PROZ: variants seen among roughly 807,000 people sequenced by gnomAD.
PROZ encodes the protein vitamin K-dependent protein Z.
A neutral mutation model predicts 34.9 loss-of-function variants in PROZ; 46 were observed. The ratio of observed to expected loss-of-function variants is 1.32; its 90% confidence interval spans 1.04 to 1.69. The LOEUF (loss-of-function observed/expected upper bound fraction) is 1.69. Among genes scored for constraint, PROZ ranks in the 40% most tolerant of loss-of-function variants. The probability of loss-of-function intolerance (pLI) is 0.00; values close to 1 mark genes in which losing one functional copy is unlikely to be tolerated. For synonymous variants in PROZ, 195 were observed against 208.5 expected (o/e 0.94, Z 0.56); for missense variants, 530 against 520.4 (o/e 1.02, Z -0.18).
chr13:113,166,745 A>C (rs1447621779), intron 6 of PROZ, among the ~76,000 whole-genome samples: 1 of 152,130 alleles, frequency 6.6e-6, no homozygotes, highest in African/African-American at 2.4e-5. Flanking sequence ...TGTCTGCCCC[A>C]TGAGTGCGCT....
At position 113,171,387 on chromosome 13, in the gene PROZ, G is replaced by C. The variant is rs1566932520; in HGVS notation, c.692-207G>C. 6.6e-6 allele frequency among the ~76,000 whole-genome samples: 1 copy of C among 152,120 alleles called. No homozygotes were observed. Among genetic ancestry groups the C allele is most frequent in the East Asian group, 1.9e-4 (1 of 5,180 alleles). On this transcript the variant is annotated intron_variant, in intron 7 of 7. Transcript: ENST00000375547. This position sits in a 1 kb window ranked among gnomAD's most constrained non-coding sequence, Gnocchi z 5.1. The stretch of plus-strand genomic sequence containing the variant: ...GAACTAACCTTGACTGTTTTTAAAG[G>C]CTGTGGCACTTGGTTGCAATCGTGC...
intron 7 of PROZ, among the ~76,000 whole-genome samples, chr13:113,170,954 A>T (rs2037093548): frequency 6.7e-6 from 1 of 150,114 alleles, no homozygotes; most frequent in Non-Finnish European, 1.5e-5. Context: ...ACAGAGTCTC[A>T]CTCAATCCCT....
In PROZ at chr13:113,159,477, G is replaced by A. The variant is rs1420448144; in HGVS notation, c.71-537G>A. Among the ~76,000 whole-genome samples the A allele has an allele frequency of 6.6e-6, 1 of 152,144 alleles. No homozygotes were observed. Among genetic ancestry groups the A allele is most frequent in the African/African-American group, 2.4e-5 (1 of 41,442 alleles). On this transcript the variant is annotated intron_variant, in intron 1 of 7. Transcript: ENST00000375547. This position sits in a 1 kb window ranked among gnomAD's most constrained non-coding sequence, Gnocchi z 4.6. ...GCTTTGACCCTCCCGGAGAGGGAGA[G>A]AACATGCTTTGGGACCCTCAGGTGG...
intron 7 of PROZ, among the ~76,000 whole-genome samples, chr13:113,170,761 A>G (rs1239960059): frequency 6.6e-6 from 1 of 152,094 alleles, no homozygotes. Context: ...GGAGGAAATC[A>G]CAGCCTACAT....
At chr13:113,165,222 C>G (rs1370933981) in intron 6 of PROZ, 102 bp downstream of exon 6, 1 of 1,269,112 alleles carries the variant, frequency 7.9e-7, no homozygotes, top group Non-Finnish European at 1.1e-6. Context: ...ATCAGGCATC[C>G]TGACTTTGAT....
At position 113,158,857 on chromosome 13, in the gene PROZ, T is replaced by G; in HGVS notation, c.70+127T>G. 2 of 921,438 alleles carry G rather than the reference T, an allele frequency of 2.2e-6. No individual in the cohort carries two copies. The highest frequency in any genetic ancestry group is 1.7e-6 in the Non-Finnish European group (1 of 583,418). 57.1% of individuals were successfully genotyped at this position (921,438 alleles called of 1,614,324 possible). A position where few individuals can be genotyped will look rare whatever the true frequency, so the allele number is the denominator to read the frequency against. On this transcript the variant is annotated intron_variant, in intron 1 of 7. Transcript: ENST00000375547. The surrounding 1 kb of genome is among the most constrained non-coding windows in gnomAD (Gnocchi z 4.3). ...CCCTGAGTGCCCAGACTAGTCTTAA[T>G]TCCCCTGAAAAAGCTGTTTGGATCT...
chr13:113,171,280 TTGAC>T lies in PROZ; in HGVS notation c.692-311_692-308del, dbSNP rs956611709. Reference sequence around the variant, plus strand: ...AAAACCACTTCTCAACAGCCAATGTTTGACTGGCCTGGAGACGTTCCACATCACT... The same window carrying T: ...AAAACCACTTCTCAACAGCCAATGTTTGGCCTGGAGACGTTCCACATCACT... On this transcript the variant is annotated intron_variant, in intron 7 of 7. Transcript: ENST00000375547. The surrounding 1 kb of genome is among the most constrained non-coding windows in gnomAD (Gnocchi z 5.1). Among the ~76,000 whole-genome samples, 3 of 152,246 alleles carry T rather than the reference TTGAC, an allele frequency of 2.0e-5. No individual in the cohort carries two copies. Among genetic ancestry groups the T allele is most frequent in the South Asian group, 2.1e-4 (1 of 4,836 alleles).
intron 6 of PROZ, among the ~76,000 whole-genome samples, chr13:113,168,182 A>G (rs2037001255): frequency 6.6e-6 from 1 of 152,284 alleles, no homozygotes; most frequent in Non-Finnish European, 1.5e-5. Flanking sequence ...AGTTTAAAGA[A>G]TAAGGAAAAA....
intron 7 of PROZ, 51 bp downstream of exon 7, chr13:113,170,581 C>G (rs1290948722): frequency 9.2e-7 from 1 of 1,087,168 alleles, no homozygotes; most frequent in Non-Finnish European, 1.4e-6. Context: ...AATACACTAT[C>G]CTATGTAAGA....
In PROZ at chr13:113,158,705, C is replaced by T. The variant is rs769685611; in HGVS notation, c.45C>T (p.Leu15=). ...TGCTCCAGGGCCTGGTCCTGGTCCTCGCCCTCCATCGTGTGGAGCCCTCAG... is the reference window on the plus strand; with the variant it reads ...TGCTCCAGGGCCTGGTCCTGGTCCTTGCCCTCCATCGTGTGGAGCCCTCAG... The part of the protein sequence containing the change: ...VPLLQGLVLV[L]ALHRVEPSVF... The change falls in exon 1 of 8, where the codon CTC becomes CTT. Residue 15 remains leucine (L), a synonymous_variant. Transcript: ENST00000375547. This position sits in a 1 kb window ranked among gnomAD's most constrained non-coding sequence, Gnocchi z 4.3. 1.1e-5 allele frequency: 17 copies of T among 1,606,032 alleles called. 1 individual carries two copies. In the Middle Eastern group the frequency reaches 5.0e-4, roughly 47 times the overall value.
rs756912275 is a variant in PROZ, at chr13:113,171,916, G to A, written c.1014G>A (p.Arg338=). The change falls in exon 8 of 8, where the codon AGG becomes AGA. Residue 338 remains arginine (R), a synonymous_variant. Transcript: ENST00000375547. This position sits in a 1 kb window ranked among gnomAD's most constrained non-coding sequence, Gnocchi z 5.1. Reference sequence around the variant, plus strand: ...TCCTGAATGTGACTGTCACCACCAGGACCTACTGTGAGAGAAGCAGCGTGG... The same window carrying A: ...TCCTGAATGTGACTGTCACCACCAGAACCTACTGTGAGAGAAGCAGCGTGG... ...GQVLNVTVTT[R]TYCERSSVAA... 6.2e-7 allele frequency: 1 copy of A among 1,613,774 alleles called. No homozygotes were observed. The highest frequency in any genetic ancestry group is 1.1e-5 in the South Asian group (1 of 91,084).
Position 113,167,665 on chromosome 13 carries a change from G to A in PROZ, c.573+2545G>A, listed in dbSNP as rs569483582. On this transcript the variant is annotated intron_variant, in intron 6 of 7. Coordinates refer to ENST00000375547, the MANE Select transcript of PROZ (RefSeq NM_003891.3). ...TAGCCTATTTGTATTTTTATAAAGT[G>A]CATGTTTAAAAAATAAATAAGGTAC... Among the ~76,000 whole-genome samples the A allele has an allele frequency of 5.3e-5, 8 of 152,152 alleles. No homozygotes were observed. The South Asian group carries it at 1.5e-3, about 28-fold the overall frequency.
At position 113,159,181 on chromosome 13, in the gene PROZ, C is replaced by T; in HGVS notation, c.70+451C>T. On this transcript the variant is annotated intron_variant, in intron 1 of 7. Transcript: ENST00000375547. The surrounding 1 kb of genome is among the most constrained non-coding windows in gnomAD (Gnocchi z 4.6). Reference sequence around the variant, plus strand: ...AGGGAGCAGCCACCCTGCCTGCCTGCCACCCTTCTACCACCAGCCACTTCA... The same window carrying T: ...AGGGAGCAGCCACCCTGCCTGCCTGTCACCCTTCTACCACCAGCCACTTCA... 7 of 1,506,090 alleles carry T rather than the reference C, an allele frequency of 4.6e-6. No homozygotes were observed. Among genetic ancestry groups the T allele is most frequent in the Non-Finnish European group, 6.3e-6 (7 of 1,106,454 alleles). 93.3% of individuals were successfully genotyped at this position (1,506,090 alleles called of 1,614,324 possible). A position where few individuals can be genotyped will look rare whatever the true frequency, so the allele number is the denominator to read the frequency against.
At position 113,159,926 on chromosome 13, in the gene PROZ, T is replaced by TGGCG. The variant is rs2036731882; in HGVS notation, c.71-86_71-83dup. 1 of 1,514,456 alleles carries TGGCG rather than the reference T, an allele frequency of 6.6e-7. No individual in the cohort carries two copies. The highest frequency in any genetic ancestry group is 9.2e-7 in the Non-Finnish European group (1 of 1,092,196). The allele number at this position is 1,514,456 out of a possible 1,614,324, so 93.8% of individuals were successfully genotyped here. A position where few individuals can be genotyped will look rare whatever the true frequency, so the allele number is the denominator to read the frequency against. On this transcript the variant is annotated intron_variant, in intron 1 of 7. Transcript: ENST00000375547. This position sits in a 1 kb window ranked among gnomAD's most constrained non-coding sequence, Gnocchi z 4.6. ...CTGTGGAGACGGACGGGGCTGGGGC[T>TGGCG]GGCGGCCGGCCGGGGAGGAAGCCAG...
Position 113,171,957 on chromosome 13 carries a change from T to C in PROZ, c.1055T>C (p.Met352Thr). 6.2e-7 allele frequency: 1 copy of C among 1,613,516 alleles called. No homozygotes were observed. ...AGCAGCGTGGCGGCCATGCACTGGA[T>C]GGATGGAAGTGTGGTCACCAGAGAA... ...ERSSVAAMHWMDGSVVTREHR... is the reference protein window; with the variant it reads ...ERSSVAAMHWTDGSVVTREHR... The change falls in exon 8 of 8, where the codon ATG becomes ACG. Residue 352 changes from methionine to threonine, a missense_variant. Physicochemically the swap from Met to Thr is moderately conservative, Grantham distance 81 (BLOSUM62 -1). Coordinates refer to ENST00000375547, the MANE Select transcript of PROZ (RefSeq NM_003891.3). This position sits in a 1 kb window ranked among gnomAD's most constrained non-coding sequence, Gnocchi z 5.1.
intron 4 of PROZ, among the ~76,000 whole-genome samples, chr13:113,163,986 TATTTTA>T (rs2036834892): frequency 6.6e-6 from 1 of 151,440 alleles, no homozygotes; most frequent in East Asian, 1.9e-4. Flanking sequence ...TTTTAATTTT[TATTTTA>T]TTTTTGAGAT....
In PROZ at chr13:113,172,325, C is replaced by T; in HGVS notation, c.*220C>T. The stretch of plus-strand genomic sequence containing the variant: ...TGGAACTCTTTATCTCAATAGAGAC[C>T]TTAAAAGAAAACATGAGATACGTTA... On this transcript the variant is annotated 3_prime_UTR_variant, in exon 8 of 8. Coordinates refer to ENST00000375547, the MANE Select transcript of PROZ (RefSeq NM_003891.3). 3.3e-6 allele frequency: 2 copies of T among 602,480 alleles called. No individual in the cohort carries two copies. The highest frequency in any genetic ancestry group is 2.9e-5 in the East Asian group (1 of 34,914). 37.3% of individuals were successfully genotyped at this position (602,480 alleles called of 1,614,324 possible).
intron 6 of PROZ, among the ~76,000 whole-genome samples, chr13:113,169,155 C>T (rs1051465408): frequency 3.3e-5 from 5 of 152,128 alleles, no homozygotes; most frequent in African/African-American, 9.7e-5. Flanking sequence ...CAAAAATCTC[C>T]GTTCTCTCCG....
intron 6 of PROZ, chr13:113,166,272 A>C (rs1003360542): frequency 6.6e-6 from 1 of 152,252 alleles, no homozygotes; most frequent in African/African-American, 2.4e-5. Context: ...CCATGTAATG[A>C]ATATAAACAT....
Sources: gnomAD v4.1 joint callset for allele counts (sites outside exome capture counted in the v4.1 genomes callset) on GRCh38, gnomAD v4.1.1 for gene constraint, Gnocchi (gnomAD v3.1) non-coding constraint, MANE v1.5 for transcripts, NCBI Gene and HGNC (gene_info 2026-07-23, HGNC 2026-07-21) for gene names.